LRRFIP2: variants seen among roughly 807,000 people sequenced by gnomAD.
LRRFIP2 encodes leucine-rich repeat flightless-interacting protein 2.
A neutral mutation model predicts 125.9 loss-of-function variants in LRRFIP2; 109 were observed. That is an observed-to-expected ratio of 0.87 (90% confidence interval 0.74 to 1.01). The LOEUF (loss-of-function observed/expected upper bound fraction) is 1.01, where lower values mean the gene tolerates loss of function less well. LRRFIP2 is among the 50% of genes least tolerant of loss of function. The probability of loss-of-function intolerance (pLI) is 0.00; values close to 1 mark genes in which losing one functional copy is unlikely to be tolerated. For missense variants in LRRFIP2, 850 were observed against 862.3 expected (o/e 0.99, Z 0.18); for synonymous variants, 291 against 293.1 (o/e 0.99, Z 0.07).
At chr3:37,093,980 A>G (rs1325477065) in intron 17 of LRRFIP2, among the ~76,000 whole-genome samples, 1 of 151,918 alleles carries the variant, frequency 6.6e-6, no homozygotes, top group East Asian at 1.9e-4. Flanking sequence ...GCCTTTTGTT[A>G]CCTCTTCTCC....
At chr3:37,169,698 A>T (rs1000448873) in intron 1 of LRRFIP2, among the ~76,000 whole-genome samples, 3 of 152,370 alleles carry the variant, frequency 2.0e-5, no homozygotes, top group African/African-American at 4.8e-5. Flanking sequence ...TGCTCAGAAC[A>T]GTAACATAAA....
chr3:37,124,812 C>G (rs183738816), intron 4 of LRRFIP2, among the ~76,000 whole-genome samples: 2 of 152,040 alleles, frequency 1.3e-5, no homozygotes, highest in Non-Finnish European at 2.9e-5. Flanking sequence ...TCTGGAAGAA[C>G]AAAAAGCTTC....
At chr3:37,081,783 G>A (rs1253332632) in intron 19 of LRRFIP2, among the ~76,000 whole-genome samples, 2 of 151,604 alleles carry the variant, frequency 1.3e-5, no homozygotes, top group African/African-American at 4.9e-5. Flanking sequence ...AGCTACTCAG[G>A]AGGCTGAGGT....
At chr3:37,077,492 T>C (rs964418929) in intron 19 of LRRFIP2, among the ~76,000 whole-genome samples, 2 of 152,196 alleles carry the variant, frequency 1.3e-5, no homozygotes, top group Admixed American at 1.3e-4. Context: ...TTTGAATGAT[T>C]ATATATACAT....
intron 22 of LRRFIP2, 33 bp from the exon 23 acceptor site, chr3:37,065,975 GC>G (rs779107717): frequency 4.9e-5 from 79 of 1,613,658 alleles, no homozygotes; most frequent in Admixed American, 1.2e-4. Context: ...ATCACAAAAG[GC>G]CCGTATGGAA....
chr3:37,151,713 T>C (rs1276550298), intron 1 of LRRFIP2, among the ~76,000 whole-genome samples: 1 of 151,860 alleles, frequency 6.6e-6, no homozygotes, highest in Non-Finnish European at 1.5e-5. Context: ...TTCTCCTGCC[T>C]CAGCTTTCCA....
chr3:37,069,982 T>C (rs1282064987), intron 21 of LRRFIP2, among the ~76,000 whole-genome samples: 1 of 152,186 alleles, frequency 6.6e-6, no homozygotes, highest in African/African-American at 2.4e-5. Flanking sequence ...TCCCTTATAT[T>C]GATGGAAATG....
intron 19 of LRRFIP2, among the ~76,000 whole-genome samples, chr3:37,083,088 A>G (rs2149045776): frequency 6.6e-6 from 1 of 152,316 alleles, no homozygotes; most frequent in East Asian, 1.9e-4. Flanking sequence ...TGGGCCTTGG[A>G]CAATGCGTTA....
intron 1 of LRRFIP2, chr3:37,170,802 A>C (rs2096575456): frequency 1.3e-5 from 2 of 152,230 alleles, no homozygotes. Flanking sequence ...GGACGGGCGC[A>C]GTGGCTCATG....
chr3:37,060,619 T>G lies in LRRFIP2; in HGVS notation c.1750-1709A>C, dbSNP rs373099917. Among the ~76,000 whole-genome samples, 1 of 151,814 alleles carries G rather than the reference T, an allele frequency of 6.6e-6. No homozygotes were observed. Among genetic ancestry groups the G allele is most frequent in the Non-Finnish European group, 1.5e-5 (1 of 67,922 alleles). ...TGCCCGGCCCTTTTTTTTTTTGTAC[T>G]TCCACAGCTTCCTACCACTGAATCT... On this transcript the variant is annotated intron_variant, in intron 24 of 27. Coordinates refer to ENST00000336686, the MANE Select transcript of LRRFIP2 (RefSeq NM_006309.4). This position sits in a 1 kb window ranked among gnomAD's most constrained non-coding sequence, Gnocchi z 4.1.
chr3:37,084,498 TA>T (rs201080813), intron 18 of LRRFIP2, among the ~76,000 whole-genome samples: 11 of 146,042 alleles, frequency 7.5e-5, no homozygotes, highest in South Asian at 4.4e-4. Flanking sequence ...CCTGTCTCTG[TA>T]AAAAAAAAAG....
chr3:37,144,476 G>A (rs1440700601), intron 2 of LRRFIP2, among the ~76,000 whole-genome samples: 1 of 152,078 alleles, frequency 6.6e-6, no homozygotes, highest in African/African-American at 2.4e-5. Flanking sequence ...GCATGGTAGT[G>A]GTGCCTGTAA....
intron 1 of LRRFIP2, among the ~76,000 whole-genome samples, chr3:37,156,039 G>A (rs948986324): frequency 2.0e-5 from 3 of 152,060 alleles, no homozygotes; most frequent in Admixed American, 1.3e-4. Context: ...TGCATTTGGC[G>A]AATTTTTGTA....
intron 25 of LRRFIP2, among the ~76,000 whole-genome samples, chr3:37,056,342 A>C (rs988019214): frequency 5.3e-5 from 8 of 152,246 alleles, no homozygotes; most frequent in African/African-American, 1.7e-4. Flanking sequence ...GCAAAAGATA[A>C]ACCAAATCTA....
chr3:37,137,051 T>C (rs1406754499), intron 2 of LRRFIP2, among the ~76,000 whole-genome samples: 3 of 151,652 alleles, frequency 2.0e-5, no homozygotes, highest in Non-Finnish European at 4.4e-5. Flanking sequence ...CACTGCAGCC[T>C]TGACCTCCCA....
At chr3:37,139,402 T>C (rs891711543) in intron 2 of LRRFIP2, among the ~76,000 whole-genome samples, 1 of 152,224 alleles carries the variant, frequency 6.6e-6, no homozygotes, top group African/African-American at 2.4e-5. Flanking sequence ...AAAAAGTTTC[T>C]CTGCAAGACC....
At chr3:37,088,768 G>A (rs559106791) in intron 18 of LRRFIP2, among the ~76,000 whole-genome samples, 146 of 152,138 alleles carry the variant, frequency 9.6e-4, no homozygotes, top group Non-Finnish European at 1.8e-3. Flanking sequence ...CTACACTCCA[G>A]CTTGAGTGAC....
intron 25 of LRRFIP2, among the ~76,000 whole-genome samples, chr3:37,055,487 A>G (rs2086559318): frequency 6.6e-6 from 1 of 152,002 alleles, no homozygotes; most frequent in African/African-American, 2.4e-5. Context: ...AATCACTTGA[A>G]CCCGGGAGGC....
rs1295799852 is a variant in LRRFIP2, at chr3:37,102,917, C to T, written c.873+7G>A. 6.5e-7 allele frequency: 1 copy of T among 1,549,748 alleles called. No homozygotes were observed. The highest frequency in any genetic ancestry group is 1.2e-5 in the South Asian group (1 of 83,884). The stretch of plus-strand genomic sequence containing the variant: ...ACATAACCAACCACCCCATGCAATA[C>T]ACTCACGCTGGACAAATCTGGGATA... On this transcript the variant is annotated splice_region_variant and intron_variant, in intron 15 of 27. Coordinates refer to ENST00000336686, the MANE Select transcript of LRRFIP2 (RefSeq NM_006309.4).
Sources: gnomAD v4.1 joint callset for allele counts (sites outside exome capture counted in the v4.1 genomes callset) on GRCh38, gnomAD v4.1.1 for gene constraint, Gnocchi (gnomAD v3.1) non-coding constraint, MANE v1.5 for transcripts, NCBI Gene and HGNC (gene_info 2026-07-23, HGNC 2026-07-21) for gene names.